DMD: variants seen among roughly 807,000 people sequenced by gnomAD.
The protein encoded by DMD is dystrophin.
A neutral mutation model predicts 330.1 loss-of-function variants in DMD; 63 were observed. That is an observed-to-expected ratio of 0.19 (90% CI 0.16 to 0.24). The LOEUF is 0.24. Among genes scored for constraint, DMD ranks in the 10% least tolerant of loss-of-function variants. The pLI is 1.00. For synonymous variants in DMD, 1,223 were observed against 959.8 expected (o/e 1.27, Z -5.07); for missense variants, 3,344 against 2,684.1 (o/e 1.25, Z -5.43).
At chrX:32,377,495 T>C (rs1603632031) in intron 34 of DMD, among the ~76,000 whole-genome samples, 2 of 111,805 alleles carry the variant, frequency 1.8e-5, no homozygotes. Context: ...CCCAAAACTC[T>C]ATGTTAGCAA....
chrX:31,770,222 C>A (rs776309436), intron 51 of DMD, among the ~76,000 whole-genome samples: 7 of 112,472 alleles, frequency 6.2e-5, no homozygotes, highest in African/African-American at 2.3e-4. Context: ...ATCCAGAGAG[C>A]TCTAATTGAT....
At chrX:32,878,031 ATAAGCATTCCTC>A (rs1185884526) in intron 2 of DMD, among the ~76,000 whole-genome samples, 1 of 112,247 alleles carries the variant, frequency 8.9e-6, no homozygotes, top group African/African-American at 3.2e-5. Context: ...AACCTGAAAC[ATAAGCATTCCTC>A]TAATTACAGT....
At chrX:33,024,624 G>A (rs2093965895) in intron 1 of DMD, among the ~76,000 whole-genome samples, 1 of 111,411 alleles carries the variant, frequency 9.0e-6, no homozygotes, top group African/African-American at 3.3e-5. Context: ...TTTAAGATTA[G>A]TACAATGAAC....
At chrX:32,808,510 C>T (rs910051304) in intron 7 of DMD, among the ~76,000 whole-genome samples, 141 of 111,612 alleles carry the variant, frequency 1.3e-3, no homozygotes, top group African/African-American at 4.4e-3. Context: ...CAGGCTTCTG[C>T]GTCTGCAAAA....
chrX:32,866,729 G>GA (rs2082519620), intron 2 of DMD, among the ~76,000 whole-genome samples: 1 of 31,490 alleles, frequency 3.2e-5, no homozygotes, highest in Non-Finnish European at 6.0e-5. Flanking sequence ...TTTTTTGGGG[G>GA]GGGGTGGGGG....
chrX:31,307,176 T>TAGTTAC (rs751595868), intron 62 of DMD, among the ~76,000 whole-genome samples: 162 of 111,824 alleles, frequency 1.4e-3, no homozygotes, highest in African/African-American at 5.0e-3. Flanking sequence ...CCCTGAGTTA[T>TAGTTAC]AGTTACAGTT....
chrX:32,368,577 A>C (rs2097862265), intron 34 of DMD, among the ~76,000 whole-genome samples: 1 of 112,040 alleles, frequency 8.9e-6, no homozygotes, highest in Non-Finnish European at 1.9e-5. Context: ...ATAGTTTCCC[A>C]CAACACAAGA....
chrX:32,517,650 A>G (rs1426214522), intron 18 of DMD: 3 of 279,205 alleles, frequency 1.1e-5, no homozygotes, highest in South Asian at 7.4e-5. Flanking sequence ...ATTTTACTCT[A>G]TTCTACTCTA....
chrX:32,973,146 T>C (rs1316014951), intron 2 of DMD, among the ~76,000 whole-genome samples: 1 of 112,393 alleles, frequency 8.9e-6, no homozygotes, highest in African/African-American at 3.2e-5. Flanking sequence ...CAACTATATG[T>C]GGCTTCTAGT....
Position 31,502,156 on chromosome X carries a change from A to G in DMD, c.8390+5125T>C, listed in dbSNP as rs1203058351. On this transcript the variant is annotated intron_variant, in intron 56 of 78. Coordinates refer to ENST00000357033, the MANE Select transcript of DMD (RefSeq NM_004006.3). ...AGACTTAAATGTAAGACCTCAAACCATGAAACTACTACAAGAGAACACTGA... is the reference window on the plus strand; with the variant it reads ...AGACTTAAATGTAAGACCTCAAACCGTGAAACTACTACAAGAGAACACTGA... 2.7e-5 allele frequency among the ~76,000 whole-genome samples: 3 copies of G among 111,946 alleles called. No individual in the cohort carries two copies. In the East Asian group the frequency reaches 8.4e-4, roughly 31 times the overall value.
intron 65 of DMD, among the ~76,000 whole-genome samples, chrX:31,208,761 A>G (rs1231291972): frequency 9.0e-6 from 1 of 111,248 alleles, no homozygotes; most frequent in Non-Finnish European, 1.9e-5. Context: ...GAAATGAGGC[A>G]TGTAATAATT....
Position 31,983,545 on chromosome X carries a change from G to GA in DMD, c.6439-15032dup, listed in dbSNP as rs778174956. Among the ~76,000 whole-genome samples the GA allele has an allele frequency of 5.9e-3, 655 of 110,157 alleles. 5 individuals are homozygous for GA. Among genetic ancestry groups the GA allele is most frequent in the African/African-American group, 0.021 (627 of 30,365 alleles). On this transcript the variant is annotated intron_variant, in intron 44 of 78. Coordinates refer to ENST00000357033, the MANE Select transcript of DMD (RefSeq NM_004006.3). ...GTCAATGTGAAAAGAAATTTGTAAG[G>GA]AAAAAAAAGAACAAAGATCAGTCTG...
intron 43 of DMD, among the ~76,000 whole-genome samples, chrX:32,218,846 T>C (rs2097123012): frequency 8.9e-6 from 1 of 112,149 alleles, no homozygotes; most frequent in Non-Finnish European, 1.9e-5. Context: ...ATGGCACTTT[T>C]CTACCAGTGC....
chrX:31,367,751 T>A (rs2059337756), intron 60 of DMD, among the ~76,000 whole-genome samples: 2 of 112,006 alleles, frequency 1.8e-5, no homozygotes, highest in African/African-American at 6.5e-5. Flanking sequence ...TCACATTTGA[T>A]GGTTGACTCA....
rs1469477881 is a variant in DMD at position 32,661,856 on chromosome X, T to G, written c.961-16704A>C. On this transcript the variant is annotated intron_variant, in intron 9 of 78. Transcript: ENST00000357033. ...TAAAATTTACTCACATTTTAAATTT[T>G]AAATCAGTACATAAAATATAGATAC... 2.7e-5 allele frequency among the ~76,000 whole-genome samples: 3 copies of G among 111,766 alleles called. No homozygotes were observed. In the Admixed American group the frequency reaches 2.9e-4, roughly 11 times the overall value.
intron 9 of DMD, among the ~76,000 whole-genome samples, chrX:32,651,150 C>A (rs78387347): frequency 2.4e-4 from 25 of 105,516 alleles, no homozygotes; most frequent in African/African-American, 8.4e-4. Flanking sequence ...TTTTTTTTTT[C>A]TGTTTTTTTG....
intron 34 of DMD, among the ~76,000 whole-genome samples, chrX:32,376,956 A>G (rs28366894): frequency 0.044 from 4,890 of 111,324 alleles, 252 homozygotes; most frequent in African/African-American, 0.15. Context: ...ATTATATAAC[A>G]CGGCTAGTTA....
intron 1 of DMD, among the ~76,000 whole-genome samples, chrX:33,200,505 ACT>A (rs981548364): frequency 1.8e-5 from 2 of 111,682 alleles, no homozygotes; most frequent in African/African-American, 6.5e-5. Flanking sequence ...CATTCATCAC[ACT>A]GTCATAAAGA....
At chrX:32,293,197 C>T (rs1016185594) in intron 42 of DMD, among the ~76,000 whole-genome samples, 7 of 112,265 alleles carry the variant, frequency 6.2e-5, no homozygotes, top group Non-Finnish European at 1.1e-4. Context: ...TGGAGGAATG[C>T]AGGTTAAAAC....
Sources: allele counts gnomAD v4.1 joint callset (sites outside exome capture counted in the v4.1 genomes callset), GRCh38; gene constraint gnomAD v4.1.1; transcripts MANE v1.5; gene names NCBI Gene and HGNC (gene_info 2026-07-23, HGNC 2026-07-21).